The following QSER1 variants were observed in gnomAD, a reference collection of about 807,000 sequenced individuals.
The protein encoded by QSER1 is glutamine and serine-rich protein 1.
A neutral mutation model predicts 158.5 loss-of-function variants in QSER1; 49 were observed. The observed-to-expected ratio is 0.31, with a 90% CI of 0.25 to 0.39. The LOEUF (loss-of-function observed/expected upper bound fraction) is 0.39. Ranked by LOEUF, QSER1 falls within the 10% of genes least tolerant of loss-of-function variation. QSER1 has a pLI of 1.00. For synonymous variants in QSER1, 650 were observed against 715.5 expected, an observed-to-expected ratio of 0.91 and a Z score of 1.46; for missense variants, 1,754 against 2,010.3, an observed-to-expected ratio of 0.87 and a Z score of 2.44.
At chr11:32,922,345 T>C (rs1361136021) in intron 1 of QSER1, among the ~76,000 whole-genome samples, 2 of 152,124 alleles carry the variant, frequency 1.3e-5, no homozygotes, top group Admixed American at 6.5e-5. Flanking sequence ...CTCCAGAATA[T>C]ATAAGCAACT....
chr11:32,946,685 T>C (rs2133571527), intron 4 of QSER1, among the ~76,000 whole-genome samples: 1 of 152,230 alleles, frequency 6.6e-6, no homozygotes, highest in Non-Finnish European at 1.5e-5. Context: ...GTCTTTTTGT[T>C]TGTCTGTACC....
chr11:32,964,739 T>TACAC lies in QSER1; in HGVS notation c.4970-1521_4970-1518dup, dbSNP rs1176492165. On this transcript the variant is annotated intron_variant, in intron 8 of 12. Transcript: ENST00000650167. ...CACCATATATATATATATATATATA[T>TACAC]ACACACACACACACACACACACACA... Among the ~76,000 whole-genome samples the TACAC allele has an allele frequency of 8.5e-4, 86 of 100,756 alleles. 1 individual carries two copies. Among genetic ancestry groups the TACAC allele is most frequent in the African/African-American group, 3.5e-3 (85 of 24,310 alleles). 66.1% of individuals were successfully genotyped at this position (100,756 alleles called of 152,430 possible). A position where few individuals can be genotyped will look rare whatever the true frequency, so the allele number is the denominator to read the frequency against.
chr11:32,937,460 T>A (rs1258700375), intron 4 of QSER1, among the ~76,000 whole-genome samples: 1 of 152,022 alleles, frequency 6.6e-6, no homozygotes, highest in East Asian at 1.9e-4. Context: ...AATTTTTTTT[T>A]AATCTGTTGT....
Position 32,934,235 on chromosome 11 carries a change from G to A in QSER1, c.2977G>A (p.Val993Ile), listed in dbSNP as rs374738343. ...AGCAGCTACAGCAGCAGCTTGTGGA[G>A]TTACACCTACTGATTTTTCCAAGTC... ...ILAATAAACG[V>I]TPTDFSKSTS... Residue 993 changes from valine to isoleucine, a missense_variant, in exon 4 of 13, where the codon GTT (valine) becomes ATT (isoleucine). Val to Ile is a conservative substitution (Grantham distance 29, BLOSUM62 3). Around this residue, in one of 2 missense-constraint regions of QSER1, gnomAD observed 1,707 missense variants for 1,919.6 expected, o/e 0.89. Transcript: ENST00000650167. The A allele has an allele frequency of 5.0e-5, 80 of 1,613,858 alleles. No individual in the cohort carries two copies. The highest frequency in any genetic ancestry group is 6.7e-5 in the Non-Finnish European group (79 of 1,179,982).
chr11:32,967,667 TAGAC>T (rs778640367), intron 9 of QSER1, among the ~76,000 whole-genome samples: 14 of 152,164 alleles, frequency 9.2e-5, no homozygotes, highest in East Asian at 1.9e-4. Context: ...TAAAACAACT[TAGAC>T]AGCCATTTTG....
At chr11:32,895,519 A>G (rs1256366821) in intron 1 of QSER1, among the ~76,000 whole-genome samples, 1 of 152,238 alleles carries the variant, frequency 6.6e-6, no homozygotes. Context: ...ACACTTCAGA[A>G]GCTTATTTAT....
intron 12 of QSER1, chr11:32,975,559 G>A (rs777249449): frequency 8.5e-5 from 117 of 1,382,492 alleles, no homozygotes; most frequent in Admixed American, 5.7e-4. Flanking sequence ...TCTTGTAGGA[G>A]CTATAATTGG....
intron 7 of QSER1, among the ~76,000 whole-genome samples, 163 bp downstream of exon 7, chr11:32,956,284 A>G (rs900400914): frequency 6.6e-6 from 1 of 152,154 alleles, no homozygotes; most frequent in African/African-American, 2.4e-5. Context: ...AAGGCATGAG[A>G]TGGGCACTGT....
rs2133553250 is a variant in QSER1 at position 32,935,358 on chromosome 11, A to G, written c.4100A>G (p.Tyr1367Cys). The change falls in exon 4 of 13, where the codon TAT (tyrosine) becomes TGT (cysteine). Residue 1367 changes from tyrosine (Y) to cysteine (C), a missense_variant. Around this residue, in one of 2 missense-constraint regions of QSER1, gnomAD observed 1,707 missense variants for 1,919.6 expected, o/e 0.89. Transcript: ENST00000650167. ...SFSSDEDDPG[Y>C]SQDAYKSVST... ...TCTTCTGATGAAGATGATCCTGGATATAGTCAAGATGCTTATAAAAGCGTC... is the reference window on the plus strand; with the variant it reads ...TCTTCTGATGAAGATGATCCTGGATGTAGTCAAGATGCTTATAAAAGCGTC... 4 of 1,610,596 alleles carry G rather than the reference A, an allele frequency of 2.5e-6. No individual in the cohort carries two copies. Among genetic ancestry groups the G allele is most frequent in the Non-Finnish European group, 3.4e-6 (4 of 1,179,072 alleles).
Position 32,933,940 on chromosome 11 carries a change from T to A in QSER1, c.2682T>A (p.His894Gln). Reference sequence around the variant, plus strand: ...TTCAAAGCCCTCAACAAATAGTACATCCCTTCCTTCAGATGGAAGGTCATG... The same window carrying A: ...TTCAAAGCCCTCAACAAATAGTACAACCCTTCCTTCAGATGGAAGGTCATG... Reference protein sequence around the residue: ...QRVQSPQQIVHPFLQMEGHVI... With the variant: ...QRVQSPQQIVQPFLQMEGHVI... Residue 894 changes from histidine to glutamine, a missense_variant, in exon 4 of 13, where the codon CAT becomes CAA. This residue lies in a region of QSER1 where 1,707 missense variants were observed against 1,919.6 expected (regional missense o/e 0.89). Transcript: ENST00000650167. 6.2e-7 allele frequency: 1 copy of A among 1,613,978 alleles called. No homozygotes were observed. The highest frequency in any genetic ancestry group is 8.5e-7 in the Non-Finnish European group (1 of 1,179,956).
intron 4 of QSER1, among the ~76,000 whole-genome samples, chr11:32,951,139 A>G (rs1279309564): frequency 2.0e-5 from 3 of 152,064 alleles, no homozygotes; most frequent in Non-Finnish European, 2.9e-5. Context: ...TCTTGCTAAC[A>G]TGTGTTAATG....
rs866591499 is a variant in QSER1 at position 32,934,452 on chromosome 11, T to C, written c.3194T>C (p.Leu1065Pro). 6.2e-7 allele frequency: 1 copy of C among 1,613,784 alleles called. No homozygotes were observed. The highest frequency in any genetic ancestry group is 8.5e-7 in the Non-Finnish European group (1 of 1,179,980). The change falls in exon 4 of 13, where the codon CTT (leucine) becomes CCT (proline). Residue 1065 changes from leucine (L) to proline (P), a missense_variant. By Grantham distance (98) the Leu-to-Pro change is moderately conservative (BLOSUM62 -3). Coordinates refer to ENST00000650167, the MANE Select transcript of QSER1 (RefSeq NM_001076786.3). ...GTGAACCTTTCACCAGTACCTGCCC[T>C]TCAGTCAAAAATGACTCTTGATCAA... is the stretch of plus-strand genomic sequence containing the variant. ...VTVNLSPVPA[L>P]QSKMTLDQQH...
rs755174623 is a variant in QSER1 at position 32,932,834 on chromosome 11, A to G, written c.1576A>G (p.Asn526Asp). ...PENQTLNYSS[N>D]QQEVLSSVTN... is the part of the protein sequence containing the mutation. Reference sequence around the variant, plus strand: ...AAATCAGACGCTTAATTATTCATCTAATCAGCAAGAGGTATTGTCTTCAGT... The same window carrying G: ...AAATCAGACGCTTAATTATTCATCTGATCAGCAAGAGGTATTGTCTTCAGT... Residue 526 changes from asparagine (N) to aspartate (D), a missense_variant, in exon 4 of 13, where the codon AAT (asparagine) becomes GAT (aspartate). Coordinates refer to ENST00000650167, the MANE Select transcript of QSER1 (RefSeq NM_001076786.3). 19 of 1,613,898 alleles carry G rather than the reference A, an allele frequency of 1.2e-5. No individual in the cohort carries two copies. Among genetic ancestry groups the G allele is most frequent in the Middle Eastern group, 1.6e-4 (1 of 6,084 alleles).
At chr11:32,908,016 T>C (rs1851715798) in intron 1 of QSER1, among the ~76,000 whole-genome samples, 1 of 152,096 alleles carries the variant, frequency 6.6e-6, no homozygotes, top group African/African-American at 2.4e-5. Context: ...AGGAGAATCA[T>C]TTGAGCCCAG....
At chr11:32,927,917 A>T (rs1357470953) in intron 2 of QSER1, 45 bp from the exon 3 acceptor site, 11 of 395,594 alleles carry the variant, frequency 2.8e-5, no homozygotes, top group South Asian at 7.8e-5. Flanking sequence ...ATACAAGTAA[A>T]TTTTTTTTTT....
intron 1 of QSER1, among the ~76,000 whole-genome samples, chr11:32,913,535 A>G (rs1453688603): frequency 1.3e-5 from 2 of 152,132 alleles, no homozygotes; most frequent in African/African-American, 4.8e-5. Flanking sequence ...TCCTAGAGGA[A>G]GTCTTCCCAG....
At chr11:32,959,386 T>C (rs1481302286) in intron 8 of QSER1, among the ~76,000 whole-genome samples, 1 of 152,218 alleles carries the variant, frequency 6.6e-6, no homozygotes, top group African/African-American at 2.4e-5. Context: ...AAAGACCTTG[T>C]ATGCCATAAT....
At chr11:32,968,151 A>C (rs1438863316) in intron 9 of QSER1, among the ~76,000 whole-genome samples, 3 of 152,322 alleles carry the variant, frequency 2.0e-5, no homozygotes, top group Admixed American at 6.5e-5. Context: ...TTAAATCACA[A>C]ATGTTTAAAA....
At chr11:32,968,915 T>C (rs1352229302) in intron 9 of QSER1, 131 bp from the exon 10 acceptor site, 2 of 542,480 alleles carry the variant, frequency 3.7e-6, no homozygotes, top group Admixed American at 4.0e-5. Context: ...TCCAATTTTT[T>C]TGCAATCAGT....
Sources: allele counts gnomAD v4.1 joint callset (sites outside exome capture counted in the v4.1 genomes callset), GRCh38; gene constraint gnomAD v4.1.1; regional missense constraint gnomAD v4.1.1; transcripts MANE v1.5; gene names NCBI Gene and HGNC (gene_info 2026-07-23, HGNC 2026-07-21).